ULK1: variants seen among roughly 807,000 people sequenced by gnomAD.
ULK1 encodes the protein serine/threonine-protein kinase ULK1.
Under a neutral mutation model 117.5 loss-of-function variants are expected in ULK1, and 48 were observed. The ratio of observed to expected loss-of-function variants is 0.41; its 90% CI spans 0.32 to 0.52. ULK1 has a LOEUF of 0.52. Ranked by LOEUF, ULK1 falls within the 20% of genes least tolerant of loss-of-function variation. The pLI, the probability that ULK1 is intolerant of heterozygous loss-of-function variation, is 0.29. For synonymous variants in ULK1, 790 were observed against 637.8 expected, an observed-to-expected ratio of 1.24 and a Z score of -3.60; for missense variants, 1,387 against 1,473.4, an observed-to-expected ratio of 0.94 and a Z score of 0.96.
rs576091640 is a variant in ULK1, at chr12:131,914,879, A to T, written c.1374-204A>T. ...AAGCTAAGGGGCCAACTCCTCCCAC[A>T]CACCCACTGTGTGGCCGGTTACCTG... On this transcript the variant is annotated intron_variant, in intron 16 of 27. Coordinates refer to ENST00000321867, the MANE Select transcript of ULK1 (RefSeq NM_003565.4). Among the ~76,000 whole-genome samples, 5 of 152,312 alleles carry T rather than the reference A, an allele frequency of 3.3e-5. No individual in the cohort carries two copies. The South Asian group carries it at 6.2e-4, about 19-fold the overall frequency.
Position 131,923,107 on chromosome 12 carries a change from T to C in ULK1, c.*1746T>C, listed in dbSNP as rs565952084. The C allele has an allele frequency of 1.3e-5, 2 of 152,376 alleles. No homozygotes were observed. The highest frequency in any genetic ancestry group is 1.9e-4 in the East Asian group (1 of 5,190). The allele number at this position is 152,376 out of a possible 1,614,324, so 9.4% of individuals were successfully genotyped here. ...GTGTGATTTCCTGCCCTTTGCGTTA[T>C]ATTGTATAATACCAACGTAAGGAAA... On this transcript the variant is annotated 3_prime_UTR_variant, in exon 28 of 28. Transcript: ENST00000321867.
chr12:131,920,451 T>C (rs1260406415), intron 26 of ULK1: 2 of 348,692 alleles, frequency 5.7e-6, no homozygotes, highest in Non-Finnish European at 1.1e-5. Flanking sequence ...AAGCAGCACC[T>C]GGTCCCGGAC....
chr12:131,900,507 G>A (rs143910305), intron 3 of ULK1, among the ~76,000 whole-genome samples: 2 of 152,364 alleles, frequency 1.3e-5, no homozygotes, highest in African/African-American at 2.4e-5. Context: ...TGGTGTCCCT[G>A]TCTGGACTTG....
chr12:131,903,353 C>G lies in ULK1; in HGVS notation c.247-3539C>G, dbSNP rs112084902. Among the ~76,000 whole-genome samples the G allele has an allele frequency of 0.012, 1,763 of 152,332 alleles. 40 individuals carry two copies. Among genetic ancestry groups the G allele is most frequent in the African/African-American group, 0.04 (1,661 of 41,574 alleles). ...GGCACTGGGCAGAGTGAGGACAGGACTCCAGCCCACCTGCTTGGGCTGTGC... is the reference window on the plus strand; with the variant it reads ...GGCACTGGGCAGAGTGAGGACAGGAGTCCAGCCCACCTGCTTGGGCTGTGC... On this transcript the variant is annotated intron_variant, in intron 3 of 27. Coordinates refer to ENST00000321867, the MANE Select transcript of ULK1 (RefSeq NM_003565.4). This position sits in a 1 kb window ranked among gnomAD's most constrained non-coding sequence, Gnocchi z 6.0.
At chr12:131,913,123 A>G (rs1889614016) in intron 13 of ULK1, 75 bp from the exon 14 acceptor site, 11 of 1,416,024 alleles carry the variant, frequency 7.8e-6, no homozygotes, top group Non-Finnish European at 7.5e-6. Flanking sequence ...GGGATCCAGC[A>G]GAGAGCCTCG....
intron 14 of ULK1, 59 bp from the exon 15 acceptor site, chr12:131,913,688 G>A (rs1593269654): frequency 2.3e-6 from 3 of 1,302,264 alleles, no homozygotes; most frequent in East Asian, 2.8e-5. Context: ...CTGGGTGACA[G>A]AGTGAGACTG....
rs1015322755 is a variant in ULK1 at position 131,910,241 on chromosome 12, C to T, written c.809-13C>T. ...GGGTCCTCCTGAGGCCTCACTCCTC[C>T]TTCCTCCTGCAGATGAGTTTTTTCA... On this transcript the variant is annotated splice_polypyrimidine_tract_variant and intron_variant, in intron 10 of 27. Transcript: ENST00000321867. 1 of 1,611,678 alleles carries T rather than the reference C, an allele frequency of 6.2e-7. No individual in the cohort carries two copies. Among genetic ancestry groups the T allele is most frequent in the African/African-American group, 1.3e-5 (1 of 75,056 alleles).
chr12:131,913,923 G>C (rs1254071948), intron 15 of ULK1, 87 bp downstream of exon 15: 12 of 1,201,788 alleles, frequency 1.0e-5, no homozygotes, highest in Non-Finnish European at 1.3e-5. Context: ...AGCCAGCCCA[G>C]GCCTGCTGTG....
At chr12:131,913,860 G>A (rs777867982) in intron 15 of ULK1, 24 bp downstream of exon 15, 4 of 1,490,456 alleles carry the variant, frequency 2.7e-6, no homozygotes, top group Non-Finnish European at 2.7e-6. Flanking sequence ...CAGGCTGGGT[G>A]GATGGGGCTG....
chr12:131,908,145 C>T (rs977579769), intron 5 of ULK1, among the ~76,000 whole-genome samples: 7 of 152,068 alleles, frequency 4.6e-5, no homozygotes, highest in African/African-American at 1.7e-4. Flanking sequence ...GCCCTCATAG[C>T]GCTGGGGCGG....
Position 131,916,416 on chromosome 12 carries a change from T to C in ULK1, c.1897T>C (p.Phe633Leu). ...CTCCTAGGCTGTGCCCTCCTTTGACTTCCCGAAGACCCCCAGCTCCCAGAA... is the reference window on the plus strand; with the variant it reads ...CTCCTAGGCTGTGCCCTCCTTTGACCTCCCGAAGACCCCCAGCTCCCAGAA... ...SPTKAVPSFDFPKTPSSQNLL... is the reference protein window; with the variant it reads ...SPTKAVPSFDLPKTPSSQNLL... Residue 633 changes from phenylalanine to leucine, a missense_variant, in exon 20 of 28, where the codon TTC (phenylalanine) becomes CTC (leucine). Coordinates refer to ENST00000321867, the MANE Select transcript of ULK1 (RefSeq NM_003565.4). The C allele has an allele frequency of 6.3e-7, 1 of 1,588,916 alleles. No individual in the cohort carries two copies.
At position 131,916,933 on chromosome 12, in the gene ULK1, A is replaced by T; in HGVS notation, c.2073-20A>T. On this transcript the variant is annotated intron_variant, in intron 20 of 27. Transcript: ENST00000321867. ...GTGGGGTGGGCCGGGCACCCAGCACAGCCCTGCACACTCCCACAGGTCTTT... is the reference window on the plus strand; with the variant it reads ...GTGGGGTGGGCCGGGCACCCAGCACTGCCCTGCACACTCCCACAGGTCTTT... 6.3e-7 allele frequency: 1 copy of T among 1,594,328 alleles called. No homozygotes were observed. The highest frequency in any genetic ancestry group is 1.1e-5 in the South Asian group (1 of 89,108).
At position 131,921,363 on chromosome 12, in the gene ULK1, C is replaced by T. The variant is rs771514895; in HGVS notation, c.*2C>T. 8 of 1,603,216 alleles carry T rather than the reference C, an allele frequency of 5.0e-6. No individual in the cohort carries two copies. The highest frequency in any genetic ancestry group is 4.4e-5 in the South Asian group (4 of 91,090). ...CTGCTGACTGGCATCTGTGCCTGAC[C>T]TTTCTGGCCTGGCTGGGCCCCCCGT... On this transcript the variant is annotated 3_prime_UTR_variant, in exon 28 of 28. Transcript: ENST00000321867.
chr12:131,896,188 C>T (rs1213548098), intron 3 of ULK1, among the ~76,000 whole-genome samples: 1 of 152,176 alleles, frequency 6.6e-6, no homozygotes, highest in Non-Finnish European at 1.5e-5. Context: ...TGTTTGTTGA[C>T]ATTGCTCCTG....
chr12:131,894,974 C>T lies in ULK1; in HGVS notation c.-28C>T, dbSNP rs753348536. 25 of 1,208,870 alleles carry T rather than the reference C, an allele frequency of 2.1e-5. 1 individual carries two copies. In the Middle Eastern group the frequency reaches 9.3e-4, roughly 45 times the overall value. The allele number at this position is 1,208,870 out of a possible 1,614,324, so 74.9% of individuals were successfully genotyped here. On this transcript the variant is annotated 5_prime_UTR_variant, in exon 1 of 28. Coordinates refer to ENST00000321867, the MANE Select transcript of ULK1 (RefSeq NM_003565.4). ...CCCCGCGCCTTGGCCCGCCACCCCC[C>T]GCCCCGCGCCCCCGGCCCGCCTGCG...
chr12:131,916,135 C>T lies in ULK1; in HGVS notation c.1854C>T (p.Pro618=). Residue 618 remains proline (P), a synonymous_variant, in exon 19 of 28, where the codon CCC becomes CCT. Coordinates refer to ENST00000321867, the MANE Select transcript of ULK1 (RefSeq NM_003565.4). ...LPDFLQRNPL[P]PILGSPTKAV... ...ACTTCCTGCAGCGAAACCCCCTGCC[C>T]CCCATCCTGGGCTCCCCCACCAAGG... 1 of 1,612,292 alleles carries T rather than the reference C, an allele frequency of 6.2e-7. No homozygotes were observed. Among genetic ancestry groups the T allele is most frequent in the Non-Finnish European group, 8.5e-7 (1 of 1,179,732 alleles).
rs928771565 is a variant in ULK1, at chr12:131,912,028, T to C, written c.1035T>C (p.Gly345=). The C allele has an allele frequency of 2.5e-6, 4 of 1,612,744 alleles. No individual in the cohort carries two copies. In the African/African-American group the frequency reaches 5.3e-5, roughly 22 times the overall value. The change falls in exon 13 of 28, where the codon GGT becomes GGC. Residue 345 remains glycine, a synonymous_variant. Coordinates refer to ENST00000321867, the MANE Select transcript of ULK1 (RefSeq NM_003565.4). Reference sequence around the variant, plus strand: ...TCCTGCACAGCTCCCGGGACTCTGGTGGCAGCAAGGACTCTTCCTGTGACA... The same window carrying C: ...TCCTGCACAGCTCCCGGGACTCTGGCGGCAGCAAGGACTCTTCCTGTGACA... ...AGFLHSSRDS[G]GSKDSSCDTD...
intron 13 of ULK1, among the ~76,000 whole-genome samples, chr12:131,912,952 G>A (rs570801582): frequency 2.0e-5 from 3 of 152,254 alleles, no homozygotes; most frequent in Admixed American, 1.3e-4. Context: ...GACAGGAGGC[G>A]CAGAGTCCAA....
chr12:131,900,760 G>T (rs532666177), intron 3 of ULK1, among the ~76,000 whole-genome samples: 5 of 152,264 alleles, frequency 3.3e-5, no homozygotes, highest in Non-Finnish European at 5.9e-5. Flanking sequence ...TTGCAGTGGA[G>T]ACCTGAGTCA....
Sources: allele counts gnomAD v4.1 joint callset (sites outside exome capture counted in the v4.1 genomes callset), GRCh38; gene constraint gnomAD v4.1.1; non-coding constraint Gnocchi (gnomAD v3.1); transcripts MANE v1.5; gene names NCBI Gene and HGNC (gene_info 2026-07-23, HGNC 2026-07-21).